EPHA5: variants seen among roughly 807,000 people sequenced by gnomAD.
The protein encoded by EPHA5 is EPH receptor A5.
In EPHA5, 60 loss-of-function variants were observed where a neutral mutation model predicts 105.0. The observed-to-expected ratio is 0.57, with a 90% confidence interval of 0.46 to 0.71. EPHA5 has a LOEUF of 0.71. EPHA5 is among the 30% of genes least tolerant of loss of function. The pLI is 0.00. For missense variants in EPHA5, 1,218 were observed against 1,274.7 expected, an observed-to-expected ratio of 0.96 and a Z score of 0.68; for synonymous variants, 513 against 449.1, an observed-to-expected ratio of 1.14 and a Z score of -1.80.
At chr4:65,422,250 T>C (rs1440303574) in intron 5 of EPHA5, among the ~76,000 whole-genome samples, 1 of 152,064 alleles carries the variant, frequency 6.6e-6, no homozygotes, top group Admixed American at 6.6e-5. Context: ...TTGCATCTTC[T>C]GGGTAAAGCT....
intron 7 of EPHA5, among the ~76,000 whole-genome samples, chr4:65,410,624 T>C (rs1009044803): frequency 6.6e-6 from 1 of 152,200 alleles, no homozygotes. Context: ...TGTGGATTGA[T>C]TGCATCAACG....
intron 8 of EPHA5, among the ~76,000 whole-genome samples, chr4:65,403,629 C>A (rs954389759): frequency 6.6e-6 from 1 of 151,776 alleles, no homozygotes; most frequent in Non-Finnish European, 1.5e-5. Flanking sequence ...TTTTATTCTA[C>A]TTTATTGCAT....
At position 65,376,245 on chromosome 4, in the gene EPHA5, T is replaced by C. The variant is rs917123757; in HGVS notation, c.1794-8821A>G. Among the ~76,000 whole-genome samples the C allele has an allele frequency of 5.0e-4, 76 of 151,992 alleles. 2 individuals are homozygous for C. Among genetic ancestry groups the C allele is most frequent in the Non-Finnish European group, 7.4e-5 (5 of 67,980 alleles). Reference sequence around the variant, plus strand: ...TGACTACAAATGACACTGGGTACAATAGTGCAAGGATTTAGGCTATTGAGT... The same window carrying C: ...TGACTACAAATGACACTGGGTACAACAGTGCAAGGATTTAGGCTATTGAGT... On this transcript the variant is annotated intron_variant, in intron 8 of 16. Coordinates refer to ENST00000613740, the MANE Select transcript of EPHA5 (RefSeq NM_001281766.3).
chr4:65,324,177 C>T lies in EPHA5; in HGVS notation c.2988G>A (p.Lys996=), dbSNP rs1719860686. ...TTTCTTGAAGGCTGTTCATGATCTT[C>T]TTCTGGTGACCGACAAGAGTCACTC... The part of the protein sequence containing the change: ...RLGVTLVGHQ[K]KIMNSLQEMK... Residue 996 remains lysine, a synonymous_variant, in exon 17 of 17, where the codon AAG becomes AAA. Transcript: ENST00000613740. 6.2e-7 allele frequency: 1 copy of T among 1,609,562 alleles called. No homozygotes were observed. The highest frequency in any genetic ancestry group is 2.2e-5 in the East Asian group (1 of 44,736).
At chr4:65,657,896 T>C (rs1302718769) in intron 1 of EPHA5, among the ~76,000 whole-genome samples, 8 of 77,662 alleles carry the variant, frequency 1.0e-4, no homozygotes, top group African/African-American at 3.0e-4. Context: ...ATTTGGTATA[T>C]GCAAAAAAAA....
chr4:65,391,230 G>A (rs1238916116), intron 8 of EPHA5, among the ~76,000 whole-genome samples: 4 of 151,992 alleles, frequency 2.6e-5, no homozygotes, highest in African/African-American at 9.7e-5. Flanking sequence ...AGATTTGGGT[G>A]GGGACACAAA....
chr4:65,477,833 G>A (rs973524948), intron 5 of EPHA5, among the ~76,000 whole-genome samples: 2 of 152,126 alleles, frequency 1.3e-5, no homozygotes, highest in South Asian at 4.1e-4. Context: ...CACACAATTA[G>A]TGCTGAAACA....
At chr4:65,331,145 T>C in intron 16 of EPHA5, 1 of 1,033,474 alleles carries the variant, frequency 9.7e-7, no homozygotes, top group African/African-American at 1.7e-5. Flanking sequence ...AACCTTTGAA[T>C]TGGCAGGTAA....
chr4:65,439,886 CA>C (rs891839335), intron 5 of EPHA5, among the ~76,000 whole-genome samples: 6 of 150,092 alleles, frequency 4.0e-5, no homozygotes, highest in Admixed American at 6.6e-5. Flanking sequence ...TTTTAAAAAG[CA>C]AAAAAAAATT....
intron 5 of EPHA5, among the ~76,000 whole-genome samples, chr4:65,433,733 T>C (rs1198523452): frequency 6.6e-6 from 1 of 152,198 alleles, no homozygotes; most frequent in Admixed American, 6.5e-5. Context: ...TAAAGACTAC[T>C]GGACTTCCTT....
chr4:65,494,560 A>G (rs1204976693), intron 4 of EPHA5, among the ~76,000 whole-genome samples: 2 of 152,206 alleles, frequency 1.3e-5, no homozygotes, highest in South Asian at 2.1e-4. Context: ...CAAATGCACA[A>G]ATGTGTTACA....
At chr4:65,395,333 C>T (rs997935683) in intron 8 of EPHA5, among the ~76,000 whole-genome samples, 11 of 152,152 alleles carry the variant, frequency 7.2e-5, no homozygotes, top group Non-Finnish European at 1.2e-4. Context: ...ACACTGCTTT[C>T]TTATATCATA....
Position 65,542,769 on chromosome 4 carries a change from G to GAA in EPHA5, c.911-47228_911-47227dup, listed in dbSNP as rs59298185. Among the ~76,000 whole-genome samples, 451 of 149,560 alleles carry GAA rather than the reference G, an allele frequency of 3.0e-3. 1 individual carries two copies. The highest frequency in any genetic ancestry group is 4.0e-3 in the Non-Finnish European group (271 of 67,130). On this transcript the variant is annotated intron_variant, in intron 3 of 16. Transcript: ENST00000613740. ...CAAAACCTGGCAGAGACACAACAAA[G>GAA]AAAAAAAAAACTTCAGTCCAACATC...
chr4:65,538,106 A>G (rs1317088072), intron 3 of EPHA5, among the ~76,000 whole-genome samples: 2 of 151,804 alleles, frequency 1.3e-5, no homozygotes, highest in Non-Finnish European at 2.9e-5. Flanking sequence ...CTGGTCATTT[A>G]GTTTCCTTGT....
chr4:65,342,457 T>C (rs1458667953), intron 14 of EPHA5, among the ~76,000 whole-genome samples: 1 of 151,942 alleles, frequency 6.6e-6, no homozygotes, highest in Non-Finnish European at 1.5e-5. Context: ...ACCCCTTCTT[T>C]AGTTAATTAC....
intron 3 of EPHA5, among the ~76,000 whole-genome samples, chr4:65,559,012 C>T (rs1413515278): frequency 6.6e-6 from 1 of 151,992 alleles, no homozygotes; most frequent in Non-Finnish European, 1.5e-5. Flanking sequence ...CACAACATAT[C>T]CATGTAACAA....
At chr4:65,617,464 G>T (rs1745340443) in intron 2 of EPHA5, among the ~76,000 whole-genome samples, 1 of 152,242 alleles carries the variant, frequency 6.6e-6, no homozygotes, top group South Asian at 2.1e-4. Context: ...TAATGAAAAT[G>T]CCAACAGCGA....
At chr4:65,355,129 T>A (rs1228036731) in intron 11 of EPHA5, among the ~76,000 whole-genome samples, 2 of 151,408 alleles carry the variant, frequency 1.3e-5, no homozygotes, top group East Asian at 3.9e-4. Context: ...GTGGCCAGAG[T>A]TCCAGGAAGA....
chr4:65,444,326 G>C (rs997115023), intron 5 of EPHA5, among the ~76,000 whole-genome samples: 1 of 152,056 alleles, frequency 6.6e-6, no homozygotes, highest in East Asian at 1.9e-4. Context: ...AATCTAGCCA[G>C]CATCTATTAT....
Sources: gnomAD v4.1 joint callset for allele counts (sites outside exome capture counted in the v4.1 genomes callset) on GRCh38, gnomAD v4.1.1 for gene constraint, MANE v1.5 for transcripts, NCBI Gene and HGNC (gene_info 2026-07-23, HGNC 2026-07-21) for gene names.